Variants in DAB1 observed in about 807,000 individuals in gnomAD.
DAB1 encodes disabled homolog 1.
In DAB1, 15 loss-of-function variants were observed where a neutral mutation model predicts 64.6. That is an observed-to-expected ratio of 0.23 (90% CI 0.16 to 0.36). The LOEUF is 0.36. DAB1 is among the 10% of genes least tolerant of loss of function. DAB1 has a pLI of 1.00. For missense variants in DAB1, 596 were observed against 706.7 expected (o/e 0.84, Z 1.78); for synonymous variants, 235 against 251.9 (o/e 0.93, Z 0.64).
intron 2 of DAB1, chr1:58,506,240 G>T: frequency 1.2e-6 from 1 of 851,492 alleles, no homozygotes; most frequent in South Asian, 1.4e-5. Flanking sequence ...ACCACACAAT[G>T]AGCTCAGTTT....
At chr1:57,384,078 A>G (rs1378601581) in intron 1 of DAB1, among the ~76,000 whole-genome samples, 6 of 152,224 alleles carry the variant, frequency 3.9e-5, no homozygotes, top group Non-Finnish European at 1.5e-5. Flanking sequence ...AAAAATGAGC[A>G]AAAGACTTGA....
At chr1:57,695,348 G>GAAAGA (rs1553119624) in intron 6 of DAB1, among the ~76,000 whole-genome samples, 1 of 106,268 alleles carries the variant, frequency 9.4e-6, no homozygotes, top group African/African-American at 3.5e-5. Context: ...AAGAAAGAAA[G>GAAAGA]AAAGAAAAGA....
intron 7 of DAB1, among the ~76,000 whole-genome samples, chr1:57,621,172 A>AGTGT (rs141990401): frequency 1.3e-5 from 2 of 149,808 alleles, no homozygotes; most frequent in African/African-American, 4.9e-5. Flanking sequence ...CATAAGCTTG[A>AGTGT]GTGTGTGTGT....
At chr1:58,234,198 G>A (rs1482022635) in intron 4 of DAB1, among the ~76,000 whole-genome samples, 4 of 152,210 alleles carry the variant, frequency 2.6e-5, no homozygotes, top group African/African-American at 4.8e-5. Flanking sequence ...GTCTGCTTCC[G>A]TGACACTGAT....
intron 4 of DAB1, among the ~76,000 whole-genome samples, chr1:58,275,657 A>C (rs527916): frequency 0.25 from 38,766 of 152,166 alleles, 5,829 homozygotes; most frequent in African/African-American, 0.4. Flanking sequence ...TAAAAACAAA[A>C]AATAAAACAA....
intron 6 of DAB1, among the ~76,000 whole-genome samples, chr1:57,671,885 T>C (rs747900053): frequency 3.3e-5 from 5 of 152,104 alleles, no homozygotes; most frequent in Non-Finnish European, 7.4e-5. Flanking sequence ...CTAGATATGA[T>C]TTACATATCT....
chr1:58,305,615 AAT>A (rs1202233504), intron 4 of DAB1, among the ~76,000 whole-genome samples: 7 of 90,328 alleles, frequency 7.7e-5, no homozygotes, highest in South Asian at 3.3e-4. Flanking sequence ...CATGCAAAGA[AAT>A]AAAGTTATCA....
chr1:57,175,309 C>G (rs1300347958), intron 2 of DAB1, among the ~76,000 whole-genome samples: 4 of 139,742 alleles, frequency 2.9e-5, no homozygotes, highest in Non-Finnish European at 6.0e-5. Flanking sequence ...TTATTTCAGA[C>G]TTTAAATTTT....
Position 57,265,161 on chromosome 1 carries a change from A to C in DAB1, c.67+25803T>G, listed in dbSNP as rs376849907. On this transcript the variant is annotated intron_variant, in intron 2 of 14. Coordinates refer to ENST00000371236, the MANE Select transcript of DAB1 (RefSeq NM_001365792.1). ...TGGGCTCCCTCCTCCCATGCGCCCC[A>C]CACCCAGCCTCCAGACACGGTGAAT... Among the ~76,000 whole-genome samples, 93 of 152,190 alleles carry C rather than the reference A, an allele frequency of 6.1e-4. 1 individual carries two copies. The South Asian group carries it at 0.017, about 28-fold the overall frequency.
chr1:57,070,336 C>T lies in DAB1; in HGVS notation c.597+687G>A, dbSNP rs564414629. The stretch of plus-strand genomic sequence containing the variant: ...GCTTCTTTTTCACCTTGGGAATAAG[C>T]ACAGGGGAGGGAGAGGCTGTCTTTT... On this transcript the variant is annotated intron_variant, in intron 7 of 14. Coordinates refer to ENST00000371236, the MANE Select transcript of DAB1 (RefSeq NM_001365792.1). Among the ~76,000 whole-genome samples, 4 of 152,332 alleles carry T rather than the reference C, an allele frequency of 2.6e-5. No individual in the cohort carries two copies. In the South Asian group the frequency reaches 6.2e-4, roughly 24 times the overall value.
chr1:57,412,437 C>T (rs1398425896), intron 1 of DAB1, among the ~76,000 whole-genome samples: 6 of 152,172 alleles, frequency 3.9e-5, no homozygotes, highest in Non-Finnish European at 7.3e-5. Context: ...ACAGCCAAGT[C>T]GTGAATGCAA....
chr1:57,061,665 G>T (rs1650409345), intron 9 of DAB1, among the ~76,000 whole-genome samples: 1 of 152,184 alleles, frequency 6.6e-6, no homozygotes, highest in Non-Finnish European at 1.5e-5. Context: ...CCATACAGTG[G>T]CCTTTGGAGT....
At chr1:57,026,337 A>C (rs1646787489) in intron 9 of DAB1, among the ~76,000 whole-genome samples, 1 of 152,172 alleles carries the variant, frequency 6.6e-6, no homozygotes, top group Admixed American at 6.5e-5. Context: ...ATTTACCATC[A>C]AATGCCAGCA....
At chr1:58,530,645 T>TGATA in intron 1 of DAB1, 1 of 872,844 alleles carries the variant, frequency 1.1e-6, no homozygotes, top group Non-Finnish European at 2.0e-6. Context: ...AGTGCCAAGC[T>TGATA]ATCTCGAGGA....
downstream of DAB1, among the ~76,000 whole-genome samples, chr1:57,823,465 AG>A (rs1208017042): frequency 1.3e-5 from 2 of 152,134 alleles, no homozygotes; most frequent in African/African-American, 2.4e-5. Context: ...AAAAGTAAGC[AG>A]GGGTCTTCTG....
rs546660477 is a variant in DAB1, at chr1:57,143,924, G to GTA, written c.207+1364_207+1365dup. ...TGAAGATGTTTATGTATATGTATAT[G>GTA]TATATATATATGTTTATGTATATGT... On this transcript the variant is annotated intron_variant, in intron 3 of 14. Coordinates refer to ENST00000371236, the MANE Select transcript of DAB1 (RefSeq NM_001365792.1). 1.2e-3 allele frequency among the ~76,000 whole-genome samples: 187 copies of GTA among 150,524 alleles called. 1 individual carries two copies. In the South Asian group the frequency reaches 0.016, roughly 13 times the overall value.
At chr1:58,141,999 C>T (rs967915292) in intron 5 of DAB1, among the ~76,000 whole-genome samples, 4 of 152,134 alleles carry the variant, frequency 2.6e-5, no homozygotes, top group African/African-American at 9.7e-5. Context: ...GGTCAGTCAC[C>T]GTGTCTTTGT....
At chr1:57,269,866 A>T (rs1670862237) in intron 2 of DAB1, among the ~76,000 whole-genome samples, 1 of 152,152 alleles carries the variant, frequency 6.6e-6, no homozygotes, top group Admixed American at 6.5e-5. Flanking sequence ...GGTAGCAGAC[A>T]ATCATTTCCT....
intron 3 of DAB1, among the ~76,000 whole-genome samples, chr1:58,421,404 A>G (rs1226048985): frequency 3.9e-5 from 6 of 152,240 alleles, no homozygotes; most frequent in Non-Finnish European, 8.8e-5. Flanking sequence ...AGTCCACTCC[A>G]GCTCTGGAGC....
Sources: gnomAD v4.1 joint callset for allele counts (sites outside exome capture counted in the v4.1 genomes callset) on GRCh38, gnomAD v4.1.1 for gene constraint, MANE v1.5 for transcripts, NCBI Gene and HGNC (gene_info 2026-07-23, HGNC 2026-07-21) for gene names.